The following SYNPR variants were observed in gnomAD, a reference collection of about 807,000 sequenced individuals.
SYNPR encodes the protein synaptoporin.
Under a neutral mutation model 32.9 loss-of-function variants are expected in SYNPR, and 23 were observed. The observed-to-expected ratio is 0.70, with a 90% CI of 0.50 to 0.99. SYNPR has a LOEUF of 0.99. SYNPR is among the 50% of genes least tolerant of loss of function. The pLI, the probability that SYNPR is intolerant of heterozygous loss-of-function variation, is 0.00. For missense variants in SYNPR, 318 were observed against 349.3 expected (o/e 0.91, Z 0.71); for synonymous variants, 146 against 135.9 (o/e 1.07, Z -0.52).
chr3:63,238,319 GA>G (rs1231984607), intron 1 of SYNPR, among the ~76,000 whole-genome samples: 7 of 151,996 alleles, frequency 4.6e-5, no homozygotes, highest in Non-Finnish European at 1.0e-4. Context: ...TTTAATGAAA[GA>G]AAGAAACTCA....
At chr3:63,470,986 A>C (rs1446424292) in intron 2 of SYNPR, among the ~76,000 whole-genome samples, 1 of 152,208 alleles carries the variant, frequency 6.6e-6, no homozygotes, top group Non-Finnish European at 1.5e-5. Flanking sequence ...TCCCCAGACT[A>C]GTCATTTCAG....
intron 2 of SYNPR, among the ~76,000 whole-genome samples, chr3:63,292,636 G>A (rs961805630): frequency 5.3e-5 from 8 of 152,118 alleles, no homozygotes; most frequent in African/African-American, 1.9e-4. Context: ...AATAACATTC[G>A]CAAAGATTAG....
intron 2 of SYNPR, among the ~76,000 whole-genome samples, chr3:63,408,228 G>GAAAGAAAGAAA (rs2088397895): frequency 3.8e-5 from 1 of 26,022 alleles, no homozygotes; most frequent in African/African-American, 2.2e-4. Context: ...AAGGAAGGAA[G>GAAAGAAAGAAA]GAAAGAAAGA....
At chr3:63,376,293 T>A (rs904791649) in intron 2 of SYNPR, among the ~76,000 whole-genome samples, 1 of 152,246 alleles carries the variant, frequency 6.6e-6, no homozygotes, top group Non-Finnish European at 1.5e-5. Flanking sequence ...ATGATCTTGT[T>A]ATAACTTGTA....
upstream of SYNPR, among the ~76,000 whole-genome samples, chr3:63,223,889 T>C (rs190370543): frequency 1.3e-5 from 2 of 152,182 alleles, no homozygotes; most frequent in African/African-American, 2.4e-5. Flanking sequence ...GAATTCTTTT[T>C]TTCCCCACTT....
chr3:63,304,162 G>T (rs901369024), intron 2 of SYNPR, among the ~76,000 whole-genome samples: 1 of 151,934 alleles, frequency 6.6e-6, no homozygotes, highest in African/African-American at 2.4e-5. Context: ...CAACAGCTGG[G>T]TTAATTTTAT....
intron 2 of SYNPR, among the ~76,000 whole-genome samples, chr3:63,438,675 A>G (rs1700123607): frequency 6.6e-6 from 1 of 152,234 alleles, no homozygotes; most frequent in African/African-American, 2.4e-5. Flanking sequence ...CTGATTCTAT[A>G]TACCTGCTCA....
chr3:63,527,997 C>A (rs985194039), intron 3 of SYNPR, among the ~76,000 whole-genome samples: 3 of 152,102 alleles, frequency 2.0e-5, no homozygotes, highest in Non-Finnish European at 4.4e-5. Context: ...AGAAATGAAC[C>A]TGTCTTCCCA....
intron 2 of SYNPR, among the ~76,000 whole-genome samples, chr3:63,372,648 C>T (rs2087833030): frequency 6.6e-6 from 1 of 152,174 alleles, no homozygotes. Flanking sequence ...AGCTCTGAAT[C>T]TCTCTGGGAT....
chr3:63,514,014 C>T (rs966412311), intron 3 of SYNPR, among the ~76,000 whole-genome samples: 2 of 152,122 alleles, frequency 1.3e-5, no homozygotes, highest in African/African-American at 4.8e-5. Flanking sequence ...TCACCACCCC[C>T]ACCACTGCTG....
At chr3:63,291,828 TTCTCTC>T (rs140571848) in intron 2 of SYNPR, among the ~76,000 whole-genome samples, 6 of 149,638 alleles carry the variant, frequency 4.0e-5, no homozygotes, top group Admixed American at 1.3e-4. Flanking sequence ...GTTTCTTTCT[TTCTCTC>T]TCTCTCTCTC....
At chr3:63,496,061 A>G (rs1701368417) in intron 3 of SYNPR, among the ~76,000 whole-genome samples, 1 of 152,102 alleles carries the variant, frequency 6.6e-6, no homozygotes, top group African/African-American at 2.4e-5. Flanking sequence ...GAGGGGTTAT[A>G]TGGGAACTCT....
rs369453815 is a variant in SYNPR, at chr3:63,562,382, C to T, written c.408+5641C>T. ...GTTTCAGTGAATCTGTATTGCAAGA[C>T]GTTTGGCTTAAAATAACTTCTCTGG... On this transcript the variant is annotated intron_variant, in intron 4 of 5. Transcript: ENST00000478300. 3.9e-5 allele frequency among the ~76,000 whole-genome samples: 6 copies of T among 152,156 alleles called. No homozygotes were observed. In the East Asian group the frequency reaches 7.7e-4, roughly 20 times the overall value.
rs544927944 is a variant in SYNPR at position 63,466,200 on chromosome 3, G to A, written c.85-14632G>A. Among the ~76,000 whole-genome samples the A allele has an allele frequency of 5.3e-5, 8 of 152,134 alleles. No individual in the cohort carries two copies. In the South Asian group the frequency reaches 1.7e-3, roughly 32 times the overall value. The stretch of plus-strand genomic sequence containing the variant: ...CTGTGTTAGTTTGCTAAGGACGATA[G>A]CCTCCTACTCCTTTTAATCTAGACG... On this transcript the variant is annotated intron_variant, in intron 2 of 5. Coordinates refer to ENST00000478300, the MANE Select transcript of SYNPR (RefSeq NM_001130003.2).
At chr3:63,615,177 G>C in intron 5 of SYNPR, 47 bp from the exon 6 acceptor site, 1 of 1,573,760 alleles carries the variant, frequency 6.4e-7, no homozygotes, top group Non-Finnish European at 8.6e-7. Context: ...AATTTTTCTT[G>C]GGTTTTTGTC....
At chr3:63,487,622 C>T (rs1170436500) in intron 3 of SYNPR, among the ~76,000 whole-genome samples, 2 of 139,060 alleles carry the variant, frequency 1.4e-5, no homozygotes, top group Non-Finnish European at 3.1e-5. Flanking sequence ...TATATAAAAA[C>T]ATTAAAGGGT....
At chr3:63,228,642 C>A (rs1481129670) in intron 1 of SYNPR, among the ~76,000 whole-genome samples, 1 of 151,774 alleles carries the variant, frequency 6.6e-6, no homozygotes, top group Non-Finnish European at 1.5e-5. Flanking sequence ...CTAGACCCAC[C>A]CCCTTTTTCA....
chr3:63,409,048 C>G (rs888340437), intron 2 of SYNPR, among the ~76,000 whole-genome samples: 6 of 152,078 alleles, frequency 3.9e-5, no homozygotes, highest in Non-Finnish European at 7.4e-5. Flanking sequence ...GAACCTTGTC[C>G]TGACTCCCTA....
chr3:63,220,317 T>G, the SYNPR span, among the ~76,000 whole-genome samples: 1 of 152,194 alleles, frequency 6.6e-6, no homozygotes, highest in Non-Finnish European at 1.5e-5. Context: ...TGATGGATCT[T>G]ATGTTGGAAC....
Sources: allele counts gnomAD v4.1 joint callset (sites outside exome capture counted in the v4.1 genomes callset), GRCh38; gene constraint gnomAD v4.1.1; transcripts MANE v1.5; gene names NCBI Gene and HGNC (gene_info 2026-07-23, HGNC 2026-07-21).